The following TNFAIP1 variants were observed in gnomAD, a reference collection of about 807,000 sequenced individuals.
The protein encoded by TNFAIP1 is TNF alpha induced protein 1, also known as BTB/POZ domain-containing adapter for CUL3-mediated RhoA degradation protein 2.
TNFAIP1 carries 20 observed loss-of-function variants against 32.6 expected under a neutral mutation model. That is an observed-to-expected ratio of 0.61 (90% CI 0.43 to 0.89). TNFAIP1 has a LOEUF of 0.89. Among genes scored for constraint, TNFAIP1 ranks in the 40% least tolerant of loss-of-function variants. The pLI, the probability that TNFAIP1 is intolerant of heterozygous loss-of-function variation, is 0.00. For missense variants in TNFAIP1, 319 were observed against 425.1 expected (o/e 0.75, Z 2.20); for synonymous variants, 166 against 166.8 (o/e 1.00, Z 0.04).
rs369478186 is a variant in TNFAIP1, at chr17:28,339,652, G to C, written c.131G>C (p.Arg44Pro). 38 of 1,613,490 alleles carry C rather than the reference G, an allele frequency of 2.4e-5. No individual in the cohort carries two copies. Among genetic ancestry groups the C allele is most frequent in the Non-Finnish European group, 3.2e-5 (38 of 1,180,026 alleles). The change falls in exon 2 of 7, where the codon CGG becomes CCG. Residue 44 changes from arginine to proline, a missense_variant. Coordinates refer to ENST00000226225, the MANE Select transcript of TNFAIP1 (RefSeq NM_021137.5). ...VGGSLYYTTV[R>P]ALTRHDTMLK... ...GGCTCTCTGTACTACACCACTGTGC[G>C]GGCCCTGACCCGCCACGACACCATG...
Position 28,342,859 on chromosome 17 carries a change from T to C in TNFAIP1, c.714+417T>C, listed in dbSNP as rs1907417716. Among the ~76,000 whole-genome samples, 1 of 152,212 alleles carries C rather than the reference T, an allele frequency of 6.6e-6. No homozygotes were observed. The highest frequency in any genetic ancestry group is 2.4e-5 in the African/African-American group (1 of 41,462). On this transcript the variant is annotated intron_variant, in intron 6 of 6. Coordinates refer to ENST00000226225, the MANE Select transcript of TNFAIP1 (RefSeq NM_021137.5). This position sits in a 1 kb window ranked among gnomAD's most constrained non-coding sequence, Gnocchi z 4.0. ...ACGAGATATGAAAATGATACAACTC[T>C]TTGGAGCAGCAGTGTGGTGTAGAAA...
intron 6 of TNFAIP1, among the ~76,000 whole-genome samples, chr17:28,343,970 G>A (rs782233967): frequency 5.3e-5 from 8 of 152,090 alleles, no homozygotes; most frequent in African/African-American, 9.7e-5. Context: ...CATCTTTCCC[G>A]TAATGTTGAC....
chr17:28,341,523 A>G (rs1907362886), intron 5 of TNFAIP1, 67 bp downstream of exon 5: 1 of 1,565,784 alleles, frequency 6.4e-7, no homozygotes, highest in Non-Finnish European at 8.8e-7. Flanking sequence ...CTGTACTCCC[A>G]GCACGGTCGG....
intron 3 of TNFAIP1, 56 bp from the exon 4 acceptor site, chr17:28,341,181 G>C: frequency 6.3e-7 from 1 of 1,598,904 alleles, no homozygotes; most frequent in Admixed American, 1.7e-5. Flanking sequence ...GGTATACCTC[G>C]ATAAGCCTGG....
rs532349628 is a variant in TNFAIP1, at chr17:28,342,185, C to T, written c.519-62C>T. ...GGAGGGAGGGGAGGGCCCCACTTGT[C>T]TAGCACCCTCCCTTGGACTGGAACC... On this transcript the variant is annotated intron_variant, in intron 5 of 6. Transcript: ENST00000226225. The surrounding 1 kb of genome is among the most constrained non-coding windows in gnomAD (Gnocchi z 4.0). The T allele has an allele frequency of 1.2e-5, 18 of 1,447,698 alleles. No homozygotes were observed. In the South Asian group the frequency reaches 2.1e-4, roughly 17 times the overall value. 89.7% of individuals were successfully genotyped at this position (1,447,698 alleles called of 1,614,324 possible).
chr17:28,336,817 C>CG (rs1252504157), intron 1 of TNFAIP1, among the ~76,000 whole-genome samples: 4 of 152,226 alleles, frequency 2.6e-5, no homozygotes, highest in Non-Finnish European at 5.9e-5. Flanking sequence ...ACAGCACCCA[C>CG]GCTGGCTGTC....
intron 1 of TNFAIP1, among the ~76,000 whole-genome samples, chr17:28,339,000 G>T (rs1555577723): frequency 6.6e-6 from 1 of 151,558 alleles, no homozygotes; most frequent in Admixed American, 6.6e-5. Flanking sequence ...GGAGACTGAG[G>T]TGGGCGGATC....
intron 5 of TNFAIP1, 145 bp downstream of exon 5, chr17:28,341,601 A>G: frequency 1.1e-6 from 1 of 899,860 alleles, no homozygotes; most frequent in East Asian, 2.6e-5. Context: ...GTAGAAGGGA[A>G]ATTGGGACAG....
intron 3 of TNFAIP1, 101 bp from the exon 4 acceptor site, chr17:28,341,136 C>T: frequency 1.6e-6 from 2 of 1,240,064 alleles, no homozygotes; most frequent in Non-Finnish European, 2.4e-6. Context: ...ACTTCCTCAC[C>T]AAGCAGCGGG....
rs190662490 is a variant in TNFAIP1 at position 28,339,350 on chromosome 17, G to T, written c.-114-58G>T. On this transcript the variant is annotated intron_variant, in intron 1 of 6. Transcript: ENST00000226225. ...TGAGTACGGTCGTGTTTCTGCTATT[G>T]TCTCCTCCTGGGCTGTCTCAGCTGG... 2.0e-3 allele frequency: 1,011 copies of T among 517,424 alleles called. 8 individuals are homozygous for T. The highest frequency in any genetic ancestry group is 0.018 in the African/African-American group (923 of 50,902). The allele number at this position is 517,424 out of a possible 1,614,324, so 32.1% of individuals were successfully genotyped here.
intron 3 of TNFAIP1, 75 bp from the exon 4 acceptor site, chr17:28,341,162 G>A: frequency 1.3e-6 from 2 of 1,528,830 alleles, no homozygotes; most frequent in Non-Finnish European, 1.8e-6. Context: ...ATGGCAGAGG[G>A]GCTCCAGAGG....
intron 5 of TNFAIP1, among the ~76,000 whole-genome samples, chr17:28,341,778 C>G (rs1376204323): frequency 6.6e-6 from 1 of 152,186 alleles, no homozygotes; most frequent in Admixed American, 6.5e-5. Flanking sequence ...TCCCCCAAGC[C>G]AGCCTGTGCA....
In TNFAIP1 at chr17:28,344,453, G is replaced by A. The variant is rs1555578610; in HGVS notation, c.804G>A (p.Glu268=). The change falls in exon 7 of 7, where the codon GAG becomes GAA. Residue 268 remains glutamate (E), a synonymous_variant. Coordinates refer to ENST00000226225, the MANE Select transcript of TNFAIP1 (RefSeq NM_021137.5). ...GCGTCCCCGACAACTCCTTGTTGGA[G>A]GCCACAAGCCGTAGCCGCAGCCAGG... ...TPRVPDNSLL[E]ATSRSRSQAS... is the part of the protein sequence containing the mutation. The A allele has an allele frequency of 1.2e-6, 2 of 1,613,964 alleles. No homozygotes were observed. Among genetic ancestry groups the A allele is most frequent in the South Asian group, 1.1e-5 (1 of 91,086 alleles).
chr17:28,344,527 G>C lies in TNFAIP1; in HGVS notation c.878G>C (p.Arg293Pro). The change falls in exon 7 of 7, where the codon CGC becomes CCC. Residue 293 changes from arginine to proline, a missense_variant. Physicochemically the swap from Arg to Pro is moderately radical, Grantham distance 103 (BLOSUM62 -2). Transcript: ENST00000226225. ...EETFELRDRVRRIHVKRYSTY... is the reference protein window; with the variant it reads ...EETFELRDRVPRIHVKRYSTY... ...ACCTTTGAACTGCGGGACCGTGTCC[G>C]CCGCATCCACGTCAAGCGCTACAGC... 1 of 1,613,828 alleles carries C rather than the reference G, an allele frequency of 6.2e-7. No homozygotes were observed. The highest frequency in any genetic ancestry group is 8.5e-7 in the Non-Finnish European group (1 of 1,180,028).
Position 28,339,423 on chromosome 17 carries a change from G to T in TNFAIP1, c.-99G>T, listed in dbSNP as rs567663175. On this transcript the variant is annotated 5_prime_UTR_variant, in exon 2 of 7. Coordinates refer to ENST00000226225, the MANE Select transcript of TNFAIP1 (RefSeq NM_021137.5). ...CCATGTACAGCACTGAGATTATGAGGCTCTGGCCTCCACTGGCCACTCACT... is the reference window on the plus strand; with the variant it reads ...CCATGTACAGCACTGAGATTATGAGTCTCTGGCCTCCACTGGCCACTCACT... 24 of 1,201,546 alleles carry T rather than the reference G, an allele frequency of 2.0e-5. No individual in the cohort carries two copies. The East Asian group carries it at 5.6e-4, about 28-fold the overall frequency. 74.4% of individuals were successfully genotyped at this position (1,201,546 alleles called of 1,614,324 possible). A position where few individuals can be genotyped will look rare whatever the true frequency, so the allele number is the denominator to read the frequency against.
At position 28,342,234 on chromosome 17, in the gene TNFAIP1, A is replaced by C; in HGVS notation, c.519-13A>C. On this transcript the variant is annotated splice_polypyrimidine_tract_variant and intron_variant, in intron 5 of 6. Transcript: ENST00000226225. This position sits in a 1 kb window ranked among gnomAD's most constrained non-coding sequence, Gnocchi z 4.0. Reference sequence around the variant, plus strand: ...CCTCACTCCCAGCCGCTTGGCCCTCATGTTTTTTTCAGCAACTCTGACGAC... The same window carrying C: ...CCTCACTCCCAGCCGCTTGGCCCTCCTGTTTTTTTCAGCAACTCTGACGAC... 2.5e-6 allele frequency: 4 copies of C among 1,571,508 alleles called. No individual in the cohort carries two copies. Among genetic ancestry groups the C allele is most frequent in the Non-Finnish European group, 3.5e-6 (4 of 1,147,968 alleles).
chr17:28,343,575 A>G (rs1446267934), intron 6 of TNFAIP1, among the ~76,000 whole-genome samples: 3 of 151,862 alleles, frequency 2.0e-5, no homozygotes, highest in Non-Finnish European at 2.9e-5. Context: ...TCCTGACCCT[A>G]TCGGTGGTGA....
Position 28,339,717 on chromosome 17 carries a change from G to A in TNFAIP1, c.196G>A (p.Asp66Asn), listed in dbSNP as rs781861693. Reference protein sequence around the residue: ...MFSGRMEVLTDKEGWILIDRC... With the variant: ...MFSGRMEVLTNKEGWILIDRC... Reference sequence around the variant, plus strand: ...CAGTGGGCGCATGGAGGTGCTGACCGACAAAGAAGGTGAGGCACTGGGGCT... The same window carrying A: ...CAGTGGGCGCATGGAGGTGCTGACCAACAAAGAAGGTGAGGCACTGGGGCT... Residue 66 changes from aspartate to asparagine, a missense_variant, in exon 2 of 7, where the codon GAC becomes AAC. Asp to Asn is a conservative substitution (Grantham distance 23). Transcript: ENST00000226225. 23 of 1,613,418 alleles carry A rather than the reference G, an allele frequency of 1.4e-5. No individual in the cohort carries two copies. Among genetic ancestry groups the A allele is most frequent in the Admixed American group, 1.7e-5 (1 of 59,960 alleles).
Position 28,339,708 on chromosome 17 carries a change from G to A in TNFAIP1, c.187G>A (p.Val63Met). 6.2e-7 allele frequency: 1 copy of A among 1,613,848 alleles called. No individual in the cohort carries two copies. Among genetic ancestry groups the A allele is most frequent in the Non-Finnish European group, 8.5e-7 (1 of 1,179,944 alleles). Residue 63 changes from valine to methionine, a missense_variant, in exon 2 of 7, where the codon GTG becomes ATG. Physicochemically the swap from Val to Met is conservative, Grantham distance 21 (BLOSUM62 1). Transcript: ENST00000226225. ...GGCCATGTTCAGTGGGCGCATGGAG[G>A]TGCTGACCGACAAAGAAGGTGAGGC... The part of the protein sequence containing the change: ...LKAMFSGRME[V>M]LTDKEGWILI...
Sources: gnomAD v4.1 joint callset for allele counts (sites outside exome capture counted in the v4.1 genomes callset) on GRCh38, gnomAD v4.1.1 for gene constraint, Gnocchi (gnomAD v3.1) non-coding constraint, MANE v1.5 for transcripts, NCBI Gene and HGNC (gene_info 2026-07-23, HGNC 2026-07-21) for gene names.